Variants in ATAD2 observed in about 807,000 individuals in gnomAD.
ATAD2 encodes ATPase family AAA domain-containing protein 2.
In ATAD2, 62 loss-of-function variants were observed where a neutral mutation model predicts 168.9. The ratio of observed to expected loss-of-function variants is 0.37; its 90% confidence interval spans 0.30 to 0.45. ATAD2 has a LOEUF of 0.45. ATAD2 is among the 20% of genes least tolerant of loss of function. ATAD2 has a pLI of 1.00. For missense variants in ATAD2, 1,419 were observed against 1,667.8 expected, an observed-to-expected ratio of 0.85 and a Z score of 2.60; for synonymous variants, 613 against 571.6, an observed-to-expected ratio of 1.07 and a Z score of -1.03.
intron 24 of ATAD2, among the ~76,000 whole-genome samples, chr8:123,329,871 A>C (rs1274005370): frequency 2.0e-5 from 3 of 151,862 alleles, no homozygotes; most frequent in Non-Finnish European, 4.4e-5. Context: ...TTCTGTCTAG[A>C]CTAGATGCAG....
At position 123,402,687 on chromosome 8, in the gene ATAD2, C is replaced by T. The variant is rs775056316; in HGVS notation, c.-2281-1512G>A. ...CTGCCCCTCATTCCTGACTCACCAC[C>T]GTCCCCAGGTGTACCATTCCTGCCC... On this transcript the variant is annotated intron_variant, in intron 1 of 28. Coordinates refer to the ATAD2 transcript ENST00000521903. The surrounding 1 kb of genome is among the most constrained non-coding windows in gnomAD (Gnocchi z 4.8). Among the ~76,000 whole-genome samples the T allele has an allele frequency of 3.9e-5, 6 of 152,130 alleles. No individual in the cohort carries two copies. The highest frequency in any genetic ancestry group is 9.7e-5 in the African/African-American group (4 of 41,410).
At chr8:123,345,198 T>A in intron 18 of ATAD2, 129 bp from the exon 19 acceptor site, 1 of 721,764 alleles carries the variant, frequency 1.4e-6, no homozygotes, top group Non-Finnish European at 2.0e-6. Context: ...AAAATGCTTC[T>A]CCAAAATCCC....
At chr8:123,395,499 C>T (rs959100888) in intron 1 of ATAD2, among the ~76,000 whole-genome samples, 3 of 151,738 alleles carry the variant, frequency 2.0e-5, no homozygotes, top group Non-Finnish European at 4.4e-5. Flanking sequence ...AGGAGGCAGG[C>T]AATCTGAGTT....
Position 123,321,088 on chromosome 8 carries a change from C to CTTT in ATAD2, c.*45_*46insAAA. On this transcript the variant is annotated 3_prime_UTR_variant, in exon 28 of 28. Coordinates refer to ENST00000287394, the MANE Select transcript of ATAD2 (RefSeq NM_014109.4). ...AATTAGGCGGACATGACAAAAATGA[C>CTTT]TTAAATAGGAACTGAATATAAAGAA... The CTTT allele has an allele frequency of 1.3e-6, 2 of 1,566,492 alleles. No individual in the cohort carries two copies. Among genetic ancestry groups the CTTT allele is most frequent in the Non-Finnish European group, 1.7e-6 (2 of 1,146,558 alleles).
At chr8:123,389,960 T>TTTTATA (rs1392406832) in intron 1 of ATAD2, among the ~76,000 whole-genome samples, 55 of 94,038 alleles carry the variant, frequency 5.8e-4, no homozygotes, top group African/African-American at 1.7e-3. Context: ...TACTATTATT[T>TTTTATA]TATATATATA....
At chr8:123,374,093 A>C (rs1829235739) in intron 2 of ATAD2, among the ~76,000 whole-genome samples, 1 of 152,180 alleles carries the variant, frequency 6.6e-6, no homozygotes, top group Non-Finnish European at 1.5e-5. Flanking sequence ...GGCTGGGCAC[A>C]GTGGCTCATG....
At chr8:123,359,726 C>T in intron 9 of ATAD2, 41 bp from the exon 10 acceptor site, 1 of 1,342,618 alleles carries the variant, frequency 7.4e-7, no homozygotes. Flanking sequence ...AACCCATCAA[C>T]TCACCCTCCT....
chr8:123,347,324 G>A lies in ATAD2; in HGVS notation c.1980C>T (p.Thr660=). The change falls in exon 16 of 28, where the codon ACC becomes ACT. Residue 660 remains threonine (T), a synonymous_variant. Coordinates refer to ENST00000287394, the MANE Select transcript of ATAD2 (RefSeq NM_014109.4). ...ALRRRYPQIY[T]TSEKLQLDLS... ...GATCCAACTGCAGTTTCTCACTAGT[G>A]GTATAGATCTGTGGGTAGCGTCGTC... The A allele has an allele frequency of 6.2e-7, 1 of 1,613,916 alleles. No individual in the cohort carries two copies. The highest frequency in any genetic ancestry group is 8.5e-7 in the Non-Finnish European group (1 of 1,179,994).
Position 123,349,147 on chromosome 8 carries a change from C to T in ATAD2, c.1806+138G>A, listed in dbSNP as rs577721502. 9.3e-6 allele frequency: 7 copies of T among 750,280 alleles called. No homozygotes were observed. In the East Asian group the frequency reaches 1.7e-4, roughly 18 times the overall value. 46.5% of individuals were successfully genotyped at this position (750,280 alleles called of 1,614,324 possible). On this transcript the variant is annotated intron_variant, in intron 14 of 27. Coordinates refer to ENST00000287394, the MANE Select transcript of ATAD2 (RefSeq NM_014109.4). Reference sequence around the variant, plus strand: ...TTAAAGAAAAGAATAAAAATTTGTCCCCATTTGAGTTGTTTACTATCATTT... The same window carrying T: ...TTAAAGAAAAGAATAAAAATTTGTCTCCATTTGAGTTGTTTACTATCATTT...
chr8:123,337,873 G>T, intron 20 of ATAD2, 52 bp from the exon 21 acceptor site: 1 of 1,469,810 alleles, frequency 6.8e-7, no homozygotes, highest in South Asian at 1.4e-5. Flanking sequence ...CATTGAGGTT[G>T]ACAAATGATT....
At chr8:123,395,498 G>A (rs1035226140) in intron 1 of ATAD2, among the ~76,000 whole-genome samples, 6 of 151,468 alleles carry the variant, frequency 4.0e-5, no homozygotes, top group African/African-American at 1.2e-4. Flanking sequence ...TAGGAGGCAG[G>A]CAATCTGAGT....
At chr8:123,393,940 C>T (rs1489831534) in intron 1 of ATAD2, among the ~76,000 whole-genome samples, 1 of 151,950 alleles carries the variant, frequency 6.6e-6, no homozygotes, top group South Asian at 2.1e-4. Flanking sequence ...AATAAATAAT[C>T]CAGGAAAGAG....
intron 6 of ATAD2, among the ~76,000 whole-genome samples, chr8:123,370,253 AAAGG>A (rs905467353): frequency 6.6e-6 from 1 of 152,048 alleles, no homozygotes; most frequent in Non-Finnish European, 1.5e-5. Flanking sequence ...AGGAAGGAAA[AAAGG>A]AAGTAGAGAA....
At chr8:123,345,575 G>A (rs1332865374) in intron 18 of ATAD2, among the ~76,000 whole-genome samples, 3 of 151,150 alleles carry the variant, frequency 2.0e-5, no homozygotes, top group Admixed American at 1.3e-4. Context: ...CCAGCTACTC[G>A]GGAGGCTAAG....
chr8:123,391,926 G>A (rs965522469), intron 1 of ATAD2, among the ~76,000 whole-genome samples: 9 of 152,194 alleles, frequency 5.9e-5, no homozygotes, highest in East Asian at 1.9e-4. Context: ...AAAGGGAGGA[G>A]AACTTTGTCT....
rs747315608 is a variant in ATAD2 at position 123,369,804 on chromosome 8, GT to G, written c.931+16del. On this transcript the variant is annotated intron_variant, in intron 7 of 27. Coordinates refer to ENST00000287394, the MANE Select transcript of ATAD2 (RefSeq NM_014109.4). ...AATATAATTACATCTCCTGGAAAGAGTATGTATAGCACTTACTTTCCAATGG... is the reference window on the plus strand; with the variant it reads ...AATATAATTACATCTCCTGGAAAGAGATGTATAGCACTTACTTTCCAATGG... 1.2e-5 allele frequency: 19 copies of G among 1,565,234 alleles called. No individual in the cohort carries two copies. In the Admixed American group the frequency reaches 3.0e-4, roughly 25 times the overall value.
chr8:123,350,901 AT>A (rs983071400), intron 13 of ATAD2, among the ~76,000 whole-genome samples: 122 of 142,292 alleles, frequency 8.6e-4, no homozygotes, highest in Admixed American at 1.8e-3. Context: ...ATTTTTTTGT[AT>A]TTTTTTTTTT....
At position 123,371,671 on chromosome 8, in the gene ATAD2, TA is replaced by T; in HGVS notation, c.534del (p.Asn179ThrfsTer13). On this transcript the variant is annotated frameshift_variant and splice_region_variant, in exon 4 of 28. Transcript: ENST00000287394. LOFTEE classifies it high-confidence loss of function. ...NQSMLFDKLITNTAEAVLQKM... is the reference protein window; with the variant it reads ...NQSMLFDKLIXNTAEAVLQKM... ...TTGATCTAAGGAATTTTTACTTACTTAGTTATAAGTTTGTCAAACAGCATGG... is the reference window on the plus strand; with the variant it reads ...TTGATCTAAGGAATTTTTACTTACTTGTTATAAGTTTGTCAAACAGCATGG... 4 of 1,592,124 alleles carry T rather than the reference TA, an allele frequency of 2.5e-6. No homozygotes were observed. The highest frequency in any genetic ancestry group is 3.4e-6 in the Non-Finnish European group (4 of 1,174,034).
At chr8:123,323,370 A>T (rs1827526269) in intron 26 of ATAD2, among the ~76,000 whole-genome samples, 1 of 152,236 alleles carries the variant, frequency 6.6e-6, no homozygotes, top group South Asian at 2.1e-4. Flanking sequence ...GATTAACAGG[A>T]GAAAAGCAAA....
Sources: gnomAD v4.1 joint callset for allele counts (sites outside exome capture counted in the v4.1 genomes callset) on GRCh38, gnomAD v4.1.1 for gene constraint, Gnocchi (gnomAD v3.1) non-coding constraint, MANE v1.5 for transcripts, NCBI Gene and HGNC (gene_info 2026-07-23, HGNC 2026-07-21) for gene names.